TP53BP1: variants seen among roughly 807,000 people sequenced by gnomAD.
The protein encoded by TP53BP1 is tumor protein p53 binding protein 1.
In TP53BP1, 61 loss-of-function variants were observed where a neutral mutation model predicts 200.8. That is an observed-to-expected ratio of 0.30 (90% CI 0.25 to 0.38). TP53BP1 has a LOEUF of 0.38. Ranked by LOEUF, TP53BP1 falls within the 10% of genes least tolerant of loss-of-function variation. The pLI is 1.00. For synonymous variants in TP53BP1, 822 were observed against 844.3 expected (o/e 0.97, Z 0.46); for missense variants, 2,144 against 2,371.9 (o/e 0.90, Z 2.00).
chr15:43,463,021 C>A (rs2046477661), intron 11 of TP53BP1, among the ~76,000 whole-genome samples: 1 of 152,134 alleles, frequency 6.6e-6, no homozygotes, highest in Non-Finnish European at 1.5e-5. Flanking sequence ...CATGCCACTG[C>A]ACTCCAGCCT....
intron 11 of TP53BP1, among the ~76,000 whole-genome samples, chr15:43,462,216 C>CAAAAAAAAAAAAAAAAA (rs779088744): frequency 5.9e-5 from 2 of 34,056 alleles, no homozygotes; most frequent in Non-Finnish European, 1.2e-4. Flanking sequence ...GACTTCATCT[C>CAAAAAAAAAAAAAAAAA]AAAAAAAAAA....
intron 16 of TP53BP1, among the ~76,000 whole-genome samples, chr15:43,432,896 G>T (rs1017445901): frequency 1.3e-5 from 2 of 151,898 alleles, no homozygotes; most frequent in Admixed American, 6.6e-5. Flanking sequence ...ATGGTAGATA[G>T]AACAATTCCA....
At chr15:43,481,142 C>A (rs1428021472) in intron 4 of TP53BP1, 120 bp from the exon 5 acceptor site, 1 of 1,118,988 alleles carries the variant, frequency 8.9e-7, no homozygotes, top group East Asian at 2.4e-5. Flanking sequence ...AGTAAAATAC[C>A]TCACCTTTAT....
At position 43,441,728 on chromosome 15, in the gene TP53BP1, T is replaced by C. The variant is rs912097915; in HGVS notation, c.3041-145A>G. 1.8e-5 allele frequency: 11 copies of C among 603,714 alleles called. No homozygotes were observed. The Admixed American group carries it at 2.9e-4, about 16-fold the overall frequency. 37.4% of individuals were successfully genotyped at this position (603,714 alleles called of 1,614,324 possible). On this transcript the variant is annotated intron_variant, in intron 14 of 27. Coordinates refer to ENST00000382044, the MANE Select transcript of TP53BP1 (RefSeq NM_001141980.3). ...TAAGTAAAACTAGTAAGTATAAACATACAAACATTTCTTGTAATTTTATTT... is the reference window on the plus strand; with the variant it reads ...TAAGTAAAACTAGTAAGTATAAACACACAAACATTTCTTGTAATTTTATTT...
Position 43,456,413 on chromosome 15 carries a change from G to T in TP53BP1, c.2195C>A (p.Ser732Tyr), listed in dbSNP as rs2143010063. ...EVETSVISID[S>Y]PQKLAILDQE... is the part of the protein sequence containing the mutation. ...GTCAAGTATTGCCAACTTTTGAGGGGAATCAATACTAATCACACTGGTTTC... is the reference window on the plus strand; with the variant it reads ...GTCAAGTATTGCCAACTTTTGAGGGTAATCAATACTAATCACACTGGTTTC... Residue 732 changes from serine to tyrosine, a missense_variant, in exon 12 of 28, where the codon TCC becomes TAC. Physicochemically the swap from Ser to Tyr is moderately radical, Grantham distance 144 (BLOSUM62 -2). Around this residue, in one of 4 missense-constraint regions of TP53BP1, gnomAD observed 1,700 missense variants for 1,710.3 expected, o/e 0.99. Transcript: ENST00000382044. The T allele has an allele frequency of 1.9e-6, 3 of 1,593,060 alleles. No homozygotes were observed. Among genetic ancestry groups the T allele is most frequent in the Non-Finnish European group, 2.6e-6 (3 of 1,172,958 alleles).
chr15:43,447,998 G>A (rs2467739), intron 12 of TP53BP1, among the ~76,000 whole-genome samples: 42,967 of 151,986 alleles, frequency 0.28, 10,270 homozygotes, highest in African/African-American at 0.65. Context: ...AGGATCTCAC[G>A]GGTTAAAGGA....
In TP53BP1 at chr15:43,405,425, A is replaced by T; in HGVS notation, c.*1958T>A. 5.0e-6 allele frequency: 3 copies of T among 605,674 alleles called. No individual in the cohort carries two copies. Among genetic ancestry groups the T allele is most frequent in the Non-Finnish European group, 8.8e-6 (3 of 340,410 alleles). 37.5% of individuals were successfully genotyped at this position (605,674 alleles called of 1,614,324 possible). A position where few individuals can be genotyped will look rare whatever the true frequency, so the allele number is the denominator to read the frequency against. On this transcript the variant is annotated 3_prime_UTR_variant, in exon 28 of 28. Transcript: ENST00000382044. ...AAGGGTCTCTCCCATCAAGGAGAAC[A>T]TGTGGCATCTCTGATCCTTTACATT...
intron 4 of TP53BP1, among the ~76,000 whole-genome samples, chr15:43,483,340 T>A (rs1361007871): frequency 6.6e-6 from 1 of 152,048 alleles, no homozygotes; most frequent in Admixed American, 6.6e-5. Flanking sequence ...TTGGGGAATA[T>A]GTTAAGTTTT....
chr15:43,408,224 TC>T, intron 26 of TP53BP1, 136 bp from the exon 27 acceptor site: 3 of 920,592 alleles, frequency 3.3e-6, no homozygotes, highest in Non-Finnish European at 4.8e-6. Context: ...AAGCCTGTAA[TC>T]CCAGCACTTT....
chr15:43,447,057 C>A, intron 13 of TP53BP1: 2 of 469,084 alleles, frequency 4.3e-6, no homozygotes, highest in Non-Finnish European at 4.1e-6. Context: ...ACTTCCTGTT[C>A]CATCCTTATA....
chr15:43,480,828 A>C, intron 5 of TP53BP1, 67 bp downstream of exon 5: 1 of 1,531,750 alleles, frequency 6.5e-7, no homozygotes, highest in African/African-American at 1.4e-5. Flanking sequence ...AGAAATTTAG[A>C]CATCTGCACA....
intron 1 of TP53BP1, among the ~76,000 whole-genome samples, chr15:43,499,231 C>A (rs1212029251): frequency 1.3e-5 from 2 of 151,866 alleles, no homozygotes; most frequent in Non-Finnish European, 2.9e-5. Flanking sequence ...CGTCTACGTA[C>A]AAAGAAGGGA....
chr15:43,446,507 C>G lies in TP53BP1; in HGVS notation c.2920G>C (p.Gly974Arg). Residue 974 changes from glycine to arginine, a missense_variant, in exon 14 of 28, where the codon GGG (glycine) becomes CGG (arginine). Around this residue, in one of 4 missense-constraint regions of TP53BP1, gnomAD observed 1,700 missense variants for 1,710.3 expected, o/e 0.99. Transcript: ENST00000382044. Reference protein sequence around the residue: ...SMVETHDPILGSGKGDSGAAP... With the variant: ...SMVETHDPILRSGKGDSGAAP... ...GCCCCAGAATCCCCTTTTCCACTCC[C>G]AAGTATGGGATCATGGGTCTCCACC... 2 of 1,614,146 alleles carry G rather than the reference C, an allele frequency of 1.2e-6. No individual in the cohort carries two copies. The highest frequency in any genetic ancestry group is 8.5e-7 in the Non-Finnish European group (1 of 1,180,016).
intron 26 of TP53BP1, 49 bp from the exon 27 acceptor site, chr15:43,408,137 A>G (rs2044980356): frequency 2.5e-6 from 4 of 1,582,694 alleles, no homozygotes; most frequent in Non-Finnish European, 2.6e-6. Context: ...AATATCCAAC[A>G]AACTGCCTTT....
rs780353259 is a variant in TP53BP1, at chr15:43,416,224, C to G, written c.4873+1G>C. 6.2e-7 allele frequency: 1 copy of G among 1,611,978 alleles called. No individual in the cohort carries two copies. On this transcript the variant is annotated splice_donor_variant, in intron 22 of 27. Coordinates refer to ENST00000382044, the MANE Select transcript of TP53BP1 (RefSeq NM_001141980.3). LOFTEE classifies it high-confidence loss of function. Reference sequence around the variant, plus strand: ...AGCTGTTCAGGAAGCAAAAGTCTTACCTAAGCTGATATCTGCTGCCTTTGT... The same window carrying G: ...AGCTGTTCAGGAAGCAAAAGTCTTAGCTAAGCTGATATCTGCTGCCTTTGT...
At chr15:43,458,496 C>A (rs1164933211) in intron 11 of TP53BP1, among the ~76,000 whole-genome samples, 2 of 150,248 alleles carry the variant, frequency 1.3e-5, no homozygotes, top group African/African-American at 4.9e-5. Flanking sequence ...CATCGTGGCT[C>A]AGCCAGGGAT....
At chr15:43,508,395 C>T (rs1437766168) in intron 1 of TP53BP1, among the ~76,000 whole-genome samples, 1 of 152,092 alleles carries the variant, frequency 6.6e-6, no homozygotes, top group African/African-American at 2.4e-5. Context: ...CAGTGGCTCA[C>T]GCTTGTAATC....
chr15:43,454,033 C>T (rs773129124), intron 12 of TP53BP1, among the ~76,000 whole-genome samples: 51 of 151,562 alleles, frequency 3.4e-4, no homozygotes, highest in Non-Finnish European at 1.0e-4. Flanking sequence ...GGTGAAACCC[C>T]GTCTCTACTA....
At position 43,479,407 on chromosome 15, in the gene TP53BP1, G is replaced by A. The variant is rs2078930055; in HGVS notation, c.778C>T (p.Pro260Ser). The change falls in exon 7 of 28, where the codon CCA becomes TCA. Residue 260 changes from proline (P) to serine (S), a missense_variant. Around this residue, in one of 4 missense-constraint regions of TP53BP1, gnomAD observed 1,700 missense variants for 1,710.3 expected, o/e 0.99. Coordinates refer to ENST00000382044, the MANE Select transcript of TP53BP1 (RefSeq NM_001141980.3). ...GAAAGTTCGGCTTACCTTGCAGGTG[G>A]TGGATTTTGCTCTTTTACAACATGT... is the stretch of plus-strand genomic sequence containing the variant. ...DVHVVKEQNP[P>S]PARSEDMPFS... 1 of 1,604,348 alleles carries A rather than the reference G, an allele frequency of 6.2e-7. No individual in the cohort carries two copies. Among genetic ancestry groups the A allele is most frequent in the Non-Finnish European group, 8.5e-7 (1 of 1,176,140 alleles).
Sources: gnomAD v4.1 joint callset for allele counts (sites outside exome capture counted in the v4.1 genomes callset) on GRCh38, gnomAD v4.1.1 for gene constraint, gnomAD v4.1.1 regional missense constraint, MANE v1.5 for transcripts, NCBI Gene and HGNC (gene_info 2026-07-23, HGNC 2026-07-21) for gene names.